RIN3: variants seen among roughly 807,000 people sequenced by gnomAD.
RIN3 encodes RAB5 interacting protein 3.
RIN3 carries 54 observed loss-of-function variants against 76.3 expected under a neutral mutation model. That is an observed-to-expected ratio of 0.71 (90% CI 0.57 to 0.89). RIN3 has a LOEUF of 0.89. Among genes scored for constraint, RIN3 ranks in the 40% least tolerant of loss-of-function variants. The pLI is 0.00. For synonymous variants in RIN3, 576 were observed against 564.0 expected, an observed-to-expected ratio of 1.02 and a Z score of -0.30; for missense variants, 1,256 against 1,322.1, an observed-to-expected ratio of 0.95 and a Z score of 0.78.
chr14:92,571,541 C>A (rs1202679529), intron 2 of RIN3, among the ~76,000 whole-genome samples: 1 of 152,048 alleles, frequency 6.6e-6, no homozygotes, highest in Middle Eastern at 3.2e-3. Flanking sequence ...CCCATACTCA[C>A]ACACACACAC....
rs143003315 is a variant in RIN3 at position 92,573,548 on chromosome 14, C to T, written c.250-3812C>T. Reference sequence around the variant, plus strand: ...TGCTTAGTCTTTCTGTGGCCAGCACCTCCCTTGAATCTAAGGTCCCACCAG... The same window carrying T: ...TGCTTAGTCTTTCTGTGGCCAGCACTTCCCTTGAATCTAAGGTCCCACCAG... On this transcript the variant is annotated intron_variant, in intron 2 of 9. Coordinates refer to ENST00000216487, the MANE Select transcript of RIN3 (RefSeq NM_024832.5). 1.1e-3 allele frequency among the ~76,000 whole-genome samples: 170 copies of T among 152,334 alleles called. 5 individuals carry two copies. In the East Asian group the frequency reaches 0.029, roughly 26 times the overall value.
At chr14:92,574,841 T>G (rs1397908648) in intron 2 of RIN3, among the ~76,000 whole-genome samples, 1 of 152,148 alleles carries the variant, frequency 6.6e-6, no homozygotes, top group Admixed American at 6.5e-5. Flanking sequence ...ACCAGGATCT[T>G]AAGCCTCAGG....
intron 6 of RIN3, among the ~76,000 whole-genome samples, chr14:92,655,957 G>A (rs1208568118): frequency 6.6e-6 from 1 of 152,172 alleles, no homozygotes; most frequent in Non-Finnish European, 1.5e-5. Context: ...GCAGTTCTGG[G>A]GCTAAAGAGA....
intron 3 of RIN3, among the ~76,000 whole-genome samples, chr14:92,590,567 G>A (rs78920603): frequency 0.014 from 2,168 of 152,274 alleles, 26 homozygotes; most frequent in South Asian, 0.032. Flanking sequence ...GAGCTGATAC[G>A]AGCACCGTGC....
intron 2 of RIN3, among the ~76,000 whole-genome samples, chr14:92,561,246 T>G (rs1000640849): frequency 1.3e-5 from 2 of 149,996 alleles, no homozygotes; most frequent in African/African-American, 4.9e-5. Flanking sequence ...CTACCCCTGC[T>G]GGCACCGATG....
chr14:92,576,941 A>G (rs1268908844), intron 2 of RIN3, among the ~76,000 whole-genome samples: 1 of 152,072 alleles, frequency 6.6e-6, no homozygotes, highest in Non-Finnish European at 1.5e-5. Flanking sequence ...TTGAAATTCA[A>G]CCTGACTCCT....
chr14:92,673,607 G>A (rs1006337744), intron 7 of RIN3, among the ~76,000 whole-genome samples: 14 of 151,894 alleles, frequency 9.2e-5, no homozygotes, highest in African/African-American at 3.1e-4. Flanking sequence ...CCAGGTTCAA[G>A]TGATTCTCGT....
intron 1 of RIN3, among the ~76,000 whole-genome samples, chr14:92,549,577 C>T (rs1897369496): frequency 6.6e-6 from 1 of 152,194 alleles, no homozygotes; most frequent in African/African-American, 2.4e-5. Flanking sequence ...CTGAATAGGC[C>T]TGAATGTAGA....
At chr14:92,637,633 A>C (rs1422041106) in intron 4 of RIN3, among the ~76,000 whole-genome samples, 1 of 152,070 alleles carries the variant, frequency 6.6e-6, no homozygotes, top group African/African-American at 2.4e-5. Flanking sequence ...TTTCTTTTCT[A>C]ATTAAAAAAA....
intron 4 of RIN3, among the ~76,000 whole-genome samples, chr14:92,638,796 G>A (rs755186248): frequency 7.9e-5 from 12 of 152,136 alleles, no homozygotes; most frequent in Admixed American, 5.2e-4. Flanking sequence ...AGATGCCAAC[G>A]TCAGCTGGCC....
At position 92,577,430 on chromosome 14, in the gene RIN3, A is replaced by G. The variant is rs574914855; in HGVS notation, c.320A>G (p.Glu107Gly). The G allele has an allele frequency of 6.2e-5, 100 of 1,613,914 alleles. No individual in the cohort carries two copies. In the South Asian group the frequency reaches 6.4e-4, roughly 10 times the overall value. ...VLCVHFPSLN[E>G]SSAEVLEYTI... Reference sequence around the variant, plus strand: ...TGTGTCCACTTTCCTTCTCTGAACGAAAGCTCGGCCGAGGTGCTCGAATAC... The same window carrying G: ...TGTGTCCACTTTCCTTCTCTGAACGGAAGCTCGGCCGAGGTGCTCGAATAC... Residue 107 changes from glutamate (E) to glycine (G), a missense_variant, in exon 3 of 10, where the codon GAA (glutamate) becomes GGA (glycine). Physicochemically the swap from Glu to Gly is moderately conservative, Grantham distance 98. This residue lies in a region of RIN3 where 610 missense variants were observed against 626.4 expected (regional missense o/e 0.97). Transcript: ENST00000216487.
intron 3 of RIN3, among the ~76,000 whole-genome samples, chr14:92,601,488 A>T (rs946231094): frequency 6.6e-6 from 1 of 152,194 alleles, no homozygotes; most frequent in African/African-American, 2.4e-5. Context: ...TGAACTTTGT[A>T]AGATTCTGAT....
At chr14:92,686,940 C>T (rs1888879995) in intron 9 of RIN3, 1 of 152,234 alleles carries the variant, frequency 6.6e-6, no homozygotes, top group South Asian at 2.1e-4. Context: ...TGGGCGGTCC[C>T]CGTGAAGCTC....
chr14:92,554,363 CAGCGA>C (rs1019714659), intron 1 of RIN3, among the ~76,000 whole-genome samples: 48 of 152,236 alleles, frequency 3.2e-4, no homozygotes, highest in African/African-American at 1.1e-3. Flanking sequence ...GCTCATTTCC[CAGCGA>C]AGCCCTCAGT....
chr14:92,687,842 C>A, intron 9 of RIN3, 84 bp from the exon 10 acceptor site: 1 of 1,244,350 alleles, frequency 8.0e-7, no homozygotes, highest in Non-Finnish European at 1.1e-6. Flanking sequence ...ACCCGCTATC[C>A]ATCCAGGGAG....
chr14:92,530,272 C>A lies in RIN3; in HGVS notation c.44+16296C>A, dbSNP rs536115542. On this transcript the variant is annotated intron_variant, in intron 1 of 9. Coordinates refer to ENST00000216487, the MANE Select transcript of RIN3 (RefSeq NM_024832.5). ...ATGCACTATCCCTCCAGTCTTGGGG[C>A]CTTGGTCCCCTCTCACCTTCAGTGA... Among the ~76,000 whole-genome samples, 5 of 152,302 alleles carry A rather than the reference C, an allele frequency of 3.3e-5. No homozygotes were observed. The South Asian group carries it at 1.0e-3, about 32-fold the overall frequency.
intron 1 of RIN3, among the ~76,000 whole-genome samples, chr14:92,540,174 G>A (rs926881077): frequency 1.8e-4 from 28 of 152,236 alleles, no homozygotes; most frequent in Non-Finnish European, 3.1e-4. Flanking sequence ...GGGCTGTGAC[G>A]TGTGAGCTGA....
intron 1 of RIN3, among the ~76,000 whole-genome samples, chr14:92,552,151 G>A (rs1398110545): frequency 6.6e-6 from 1 of 152,216 alleles, no homozygotes; most frequent in Non-Finnish European, 1.5e-5. Context: ...GATTCTTTAG[G>A]CAGTGGAATC....
chr14:92,663,487 T>C (rs1198162632), intron 7 of RIN3, among the ~76,000 whole-genome samples: 1 of 152,190 alleles, frequency 6.6e-6, no homozygotes, highest in African/African-American at 2.4e-5. Context: ...CCAGACCCAG[T>C]CGGGGAGACT....
Sources: allele counts gnomAD v4.1 joint callset (sites outside exome capture counted in the v4.1 genomes callset), GRCh38; gene constraint gnomAD v4.1.1; regional missense constraint gnomAD v4.1.1; transcripts MANE v1.5; gene names NCBI Gene and HGNC (gene_info 2026-07-23, HGNC 2026-07-21).